ERBB4: variants seen among roughly 807,000 people sequenced by gnomAD.
ERBB4 encodes the protein receptor tyrosine-protein kinase erbB-4.
A neutral mutation model predicts 158.0 loss-of-function variants in ERBB4; 42 were observed. The observed-to-expected ratio is 0.27, with a 90% CI of 0.21 to 0.34. ERBB4 has a LOEUF of 0.34. Among genes scored for constraint, ERBB4 ranks in the 10% least tolerant of loss-of-function variants. The probability of loss-of-function intolerance (pLI) is 1.00; values close to 1 mark genes in which losing one functional copy is unlikely to be tolerated. For synonymous variants in ERBB4, 583 were observed against 558.7 expected (o/e 1.04, Z -0.61); for missense variants, 1,333 against 1,624.1 (o/e 0.82, Z 3.08).
At chr2:212,140,250 T>C (rs2080408455) in intron 1 of ERBB4, among the ~76,000 whole-genome samples, 2 of 150,898 alleles carry the variant, frequency 1.3e-5, no homozygotes, top group South Asian at 2.1e-4. Context: ...AATATATGGG[T>C]TTATGTAAAT....
At chr2:211,428,763 G>T (rs1574472779) in intron 21 of ERBB4, among the ~76,000 whole-genome samples, 1 of 151,880 alleles carries the variant, frequency 6.6e-6, no homozygotes, top group South Asian at 2.1e-4. Context: ...TGTCACCCAG[G>T]CTAGAGTGCA....
chr2:212,198,438 C>A (rs1337710136), intron 1 of ERBB4, among the ~76,000 whole-genome samples: 1 of 152,152 alleles, frequency 6.6e-6, no homozygotes. Context: ...TAGACTATTC[C>A]AGGTAACCTC....
chr2:212,384,912 TATATATATACAC>T, intron 1 of ERBB4, among the ~76,000 whole-genome samples: 1 of 140,762 alleles, frequency 7.1e-6, no homozygotes, highest in South Asian at 2.2e-4. Flanking sequence ...TATATATATA[TATATATATACAC>T]ACACACACAC....
chr2:212,420,352 C>T (rs894353988), intron 1 of ERBB4, among the ~76,000 whole-genome samples: 4 of 151,920 alleles, frequency 2.6e-5, no homozygotes, highest in African/African-American at 9.7e-5. Flanking sequence ...GGAATGGCCC[C>T]GCCATACAAA....
intron 1 of ERBB4, among the ~76,000 whole-genome samples, chr2:212,157,614 T>C (rs577057835): frequency 6.6e-6 from 1 of 152,236 alleles, no homozygotes; most frequent in African/African-American, 2.4e-5. Context: ...ATCTGATGTC[T>C]ATCTAATATT....
chr2:212,173,434 G>C (rs2081576891), intron 1 of ERBB4, among the ~76,000 whole-genome samples: 1 of 152,106 alleles, frequency 6.6e-6, no homozygotes, highest in Admixed American at 6.6e-5. Context: ...CAGGAACAAA[G>C]AGAAGGTCAG....
intron 20 of ERBB4, among the ~76,000 whole-genome samples, chr2:211,494,669 C>G (rs1185983456): frequency 6.6e-6 from 1 of 152,026 alleles, no homozygotes; most frequent in Non-Finnish European, 1.5e-5. Flanking sequence ...TTGAAAGAAG[C>G]CTGTATGATT....
chr2:212,441,167 G>C (rs1179200024), intron 1 of ERBB4, among the ~76,000 whole-genome samples: 2 of 152,020 alleles, frequency 1.3e-5, no homozygotes, highest in African/African-American at 4.8e-5. Context: ...ATGAAGCTGG[G>C]GATACTGAGT....
At chr2:211,881,566 G>A (rs2078662248) in intron 3 of ERBB4, among the ~76,000 whole-genome samples, 1 of 117,122 alleles carries the variant, frequency 8.5e-6, no homozygotes, top group African/African-American at 3.3e-5. Context: ...CTCAGTCAGA[G>A]AACCTGCCTG....
intron 19 of ERBB4, among the ~76,000 whole-genome samples, chr2:211,617,052 A>C (rs1054685172): frequency 2.6e-5 from 4 of 152,080 alleles, no homozygotes; most frequent in Admixed American, 2.6e-4. Context: ...AAAAAAATGG[A>C]TGGGGTTAGG....
intron 1 of ERBB4, among the ~76,000 whole-genome samples, chr2:212,355,513 C>A (rs2106350047): frequency 6.6e-6 from 1 of 152,054 alleles, no homozygotes; most frequent in East Asian, 1.9e-4. Flanking sequence ...ATGGAAAAAT[C>A]CAGGGGAGAT....
At chr2:212,059,694 A>G (rs1342713330) in intron 2 of ERBB4, among the ~76,000 whole-genome samples, 2 of 152,140 alleles carry the variant, frequency 1.3e-5, no homozygotes, top group Non-Finnish European at 2.9e-5. Flanking sequence ...AAATGGAGAA[A>G]GATTCCCTAT....
intron 25 of ERBB4, among the ~76,000 whole-genome samples, chr2:211,409,159 A>G (rs1574430985): frequency 1.3e-5 from 2 of 152,166 alleles, no homozygotes; most frequent in South Asian, 4.1e-4. Flanking sequence ...AGATTATTAT[A>G]TATATATTTT....
rs1245995165 is a variant in ERBB4 at position 212,474,839 on chromosome 2, T to TTTTTTTTTTTTTG, written c.82+63609_82+63610insCAAAAAAAAAAAA. Among the ~76,000 whole-genome samples the TTTTTTTTTTTTTG allele has an allele frequency of 1.1e-3, 153 of 136,188 alleles. 6 individuals are homozygous for TTTTTTTTTTTTTG. Among genetic ancestry groups the TTTTTTTTTTTTTG allele is most frequent in the African/African-American group, 4.2e-3 (124 of 29,662 alleles). 89.3% of individuals were successfully genotyped at this position (136,188 alleles called of 152,430 possible). A position where few individuals can be genotyped will look rare whatever the true frequency, so the allele number is the denominator to read the frequency against. On this transcript the variant is annotated intron_variant, in intron 1 of 27. Transcript: ENST00000342788. ...CGGCCATTCTTTTTTTTTTTTTTTT[T>TTTTTTTTTTTTTG]TGTCAAGACAAGGTCTTGCTCTATT...
chr2:211,544,203 G>A (rs577960788), intron 20 of ERBB4, among the ~76,000 whole-genome samples: 43 of 152,052 alleles, frequency 2.8e-4, no homozygotes, highest in African/African-American at 9.6e-4. Context: ...TGGTGATTCT[G>A]GAATTACTGT....
chr2:211,570,619 T>C (rs557635775), intron 19 of ERBB4, among the ~76,000 whole-genome samples: 6 of 152,322 alleles, frequency 3.9e-5, no homozygotes, highest in African/African-American at 1.2e-4. Flanking sequence ...TGAATCATTT[T>C]ACCATGATTT....
chr2:212,304,996 T>C (rs1183531950), intron 1 of ERBB4, among the ~76,000 whole-genome samples: 3 of 151,344 alleles, frequency 2.0e-5, no homozygotes, highest in African/African-American at 7.3e-5. Flanking sequence ...GAAATATAAA[T>C]TTAACATTAA....
intron 1 of ERBB4, among the ~76,000 whole-genome samples, chr2:212,356,278 A>T (rs1300573509): frequency 6.6e-6 from 1 of 151,526 alleles, no homozygotes; most frequent in Non-Finnish European, 1.5e-5. Flanking sequence ...AATTACAAAT[A>T]TGTTTTCACA....
rs1559108555 is a variant in ERBB4 at position 211,380,241 on chromosome 2, G to GT, written c.*3373dup. ...GCAGAAAACCAGGAGCTGCTTGGTA[G>GT]TCTAACACCTTTTGTGGTGCAGATG... is the stretch of plus-strand genomic sequence containing the variant. On this transcript the variant is annotated 3_prime_UTR_variant, in exon 28 of 28. Coordinates refer to ENST00000342788, the MANE Select transcript of ERBB4 (RefSeq NM_005235.3). 4.3e-6 allele frequency: 1 copy of GT among 232,216 alleles called. No individual in the cohort carries two copies. The highest frequency in any genetic ancestry group is 2.2e-5 in the African/African-American group (1 of 45,266). The allele number at this position is 232,216 out of a possible 1,614,324, so 14.4% of individuals were successfully genotyped here.
Sources: gnomAD v4.1 joint callset for allele counts (sites outside exome capture counted in the v4.1 genomes callset) on GRCh38, gnomAD v4.1.1 for gene constraint, MANE v1.5 for transcripts, NCBI Gene and HGNC (gene_info 2026-07-23, HGNC 2026-07-21) for gene names.